SMIM13: variants seen among roughly 807,000 people sequenced by gnomAD.
SMIM13 encodes UPF0766 protein C6orf228.
Under a neutral mutation model 5.9 loss-of-function variants are expected in SMIM13, and 3 were observed. The observed-to-expected ratio is 0.51, with a 90% CI of 0.23 to 1.31. The LOEUF (loss-of-function observed/expected upper bound fraction) is 1.31, where lower values mean the gene tolerates loss of function less well. SMIM13 is among the 40% of genes most tolerant of loss of function. The pLI is 0.18. For synonymous variants in SMIM13, 55 were observed against 46.0 expected, an observed-to-expected ratio of 1.19 and a Z score of -0.79; for missense variants, 85 against 109.9, an observed-to-expected ratio of 0.77 and a Z score of 1.01.
chr6:11,096,669 C>G (rs982183628), intron 1 of SMIM13, among the ~76,000 whole-genome samples: 4 of 151,838 alleles, frequency 2.6e-5, no homozygotes, highest in African/African-American at 9.7e-5. Flanking sequence ...GCTTAAACAA[C>G]TCATTTCTTT....
In SMIM13 at chr6:11,093,861, C is replaced by T. The variant is rs866094391; in HGVS notation, c.-453C>T. Among the ~76,000 whole-genome samples the T allele has an allele frequency of 3.3e-4, 50 of 152,354 alleles. No homozygotes were observed. The highest frequency in any genetic ancestry group is 1.2e-3 in the African/African-American group (50 of 41,586). ...AGAAGCCGCTACAGCCGCGGCCGGGCGACGCTGACATCTGGCATCCCTGGG... is the reference window on the plus strand; with the variant it reads ...AGAAGCCGCTACAGCCGCGGCCGGGTGACGCTGACATCTGGCATCCCTGGG... On this transcript the variant is annotated 5_prime_UTR_variant, in exon 1 of 2. Transcript: ENST00000416247.
rs1758517974 is a variant in SMIM13 at position 11,136,395 on chromosome 6, T to C, written c.*1793T>C. On this transcript the variant is annotated 3_prime_UTR_variant, in exon 2 of 2. Transcript: ENST00000416247. ...GAATGAAGTGCAAAGCCAACTTACT[T>C]TATTAATCCAAGTTCTTTTTATGTT... 1 of 152,208 alleles carries C rather than the reference T, an allele frequency of 6.6e-6. No individual in the cohort carries two copies. The highest frequency in any genetic ancestry group is 2.4e-5 in the African/African-American group (1 of 41,454). 9.4% of individuals were successfully genotyped at this position (152,208 alleles called of 1,614,324 possible).
At chr6:11,130,687 T>TA (rs1758441585) in intron 1 of SMIM13, among the ~76,000 whole-genome samples, 1 of 152,248 alleles carries the variant, frequency 6.6e-6, no homozygotes, top group Non-Finnish European at 1.5e-5. Flanking sequence ...TGATTCCTCT[T>TA]ACTAAAATTG....
At chr6:11,116,311 TCCTGG>T (rs1479660219) in intron 1 of SMIM13, among the ~76,000 whole-genome samples, 2 of 152,188 alleles carry the variant, frequency 1.3e-5, no homozygotes, top group Non-Finnish European at 2.9e-5. Flanking sequence ...GAGCCATTGC[TCCTGG>T]CCAGCTTTGC....
chr6:11,130,733 T>G (rs1183028672), intron 1 of SMIM13, among the ~76,000 whole-genome samples: 2 of 152,220 alleles, frequency 1.3e-5, no homozygotes, highest in African/African-American at 2.4e-5. Context: ...TGAATGCTCT[T>G]GTATTCCAAG....
chr6:11,112,165 G>C (rs1758176582), intron 1 of SMIM13, among the ~76,000 whole-genome samples: 1 of 152,032 alleles, frequency 6.6e-6, no homozygotes, highest in Admixed American at 6.6e-5. Context: ...ACATTCCTGA[G>C]CTGGGGGCCC....
chr6:11,094,842 T>TA (rs1028878927), intron 1 of SMIM13, among the ~76,000 whole-genome samples: 5 of 152,182 alleles, frequency 3.3e-5, no homozygotes, highest in African/African-American at 1.2e-4. Flanking sequence ...ATTGTTTACT[T>TA]AGAGTTCAGC....
At chr6:11,098,587 A>G (rs1326377806) in intron 1 of SMIM13, among the ~76,000 whole-genome samples, 1 of 152,162 alleles carries the variant, frequency 6.6e-6, no homozygotes, top group Non-Finnish European at 1.5e-5. Flanking sequence ...GTCAGCCACC[A>G]TGCCCAGCTA....
At chr6:11,114,892 G>A (rs550922248) in intron 1 of SMIM13, among the ~76,000 whole-genome samples, 8 of 152,000 alleles carry the variant, frequency 5.3e-5, no homozygotes, top group South Asian at 2.1e-4. Flanking sequence ...GAGCCACCAC[G>A]CCCGGCTGTA....
intron 1 of SMIM13, among the ~76,000 whole-genome samples, chr6:11,115,887 A>T (rs1758232351): frequency 6.7e-6 from 1 of 150,076 alleles, no homozygotes; most frequent in Admixed American, 6.6e-5. Flanking sequence ...GGGTTTCTCC[A>T]TGTTGGTCAG....
chr6:11,134,608 T>C lies in SMIM13; in HGVS notation c.*6T>C. ...GCCACAGACCCCTGACATAGTCCTG[T>C]ACTTGTGAAGGATGAAAAGGCAGTT... is the stretch of plus-strand genomic sequence containing the variant. On this transcript the variant is annotated 3_prime_UTR_variant, in exon 2 of 2. Transcript: ENST00000416247. 1 of 1,478,260 alleles carries C rather than the reference T, an allele frequency of 6.8e-7. No homozygotes were observed. The highest frequency in any genetic ancestry group is 2.5e-5 in the East Asian group (1 of 39,730). The allele number at this position is 1,478,260 out of a possible 1,614,324, so 91.6% of individuals were successfully genotyped here.
rs767472288 is a variant in SMIM13 at position 11,104,688 on chromosome 6, C to T, written c.76+10299C>T. 49 of 1,614,070 alleles carry T rather than the reference C, an allele frequency of 3.0e-5. 1 individual carries two copies. In the African/African-American group the frequency reaches 3.2e-4, roughly 11 times the overall value. On this transcript the variant is annotated intron_variant, in intron 1 of 1. Coordinates refer to ENST00000416247, the MANE Select transcript of SMIM13 (RefSeq NM_001135575.2). The stretch of plus-strand genomic sequence containing the variant: ...CAGACATTGGTTATAATCAGCAGGC[C>T]GGAACCAGAAGTTTCGAGTACTGCA...
intron 1 of SMIM13, among the ~76,000 whole-genome samples, chr6:11,117,186 C>T (rs1280840950): frequency 4.9e-5 from 6 of 121,974 alleles, no homozygotes; most frequent in Admixed American, 8.2e-5. Flanking sequence ...TTTTTTGAGA[C>T]GGAGTCTCGC....
At chr6:11,123,456 T>C (rs1474074836) in intron 1 of SMIM13, among the ~76,000 whole-genome samples, 1 of 152,206 alleles carries the variant, frequency 6.6e-6, no homozygotes, top group African/African-American at 2.4e-5. Flanking sequence ...AGATGAACTA[T>C]GTGTGTGACT....
intron 1 of SMIM13, chr6:11,105,199 G>A (rs774469576): frequency 1.9e-6 from 3 of 1,614,156 alleles, no homozygotes; most frequent in Non-Finnish European, 1.7e-6. Flanking sequence ...GTGGAGTAAG[G>A]GGATCCTGTA....
intron 1 of SMIM13, among the ~76,000 whole-genome samples, chr6:11,129,674 C>T (rs910727243): frequency 4.6e-5 from 7 of 151,754 alleles, no homozygotes; most frequent in African/African-American, 7.3e-5. Context: ...TATTGTGTTC[C>T]GTTTGTCTAT....
chr6:11,099,009 A>AT (rs1757959515), intron 1 of SMIM13, among the ~76,000 whole-genome samples: 2 of 151,932 alleles, frequency 1.3e-5, no homozygotes, highest in South Asian at 2.1e-4. Context: ...AGAAGATTCT[A>AT]TTTTTTTCTA....
At position 11,137,839 on chromosome 6, in the gene SMIM13, T is replaced by G. The variant is rs1046901474; in HGVS notation, c.*3237T>G. 1.3e-5 allele frequency: 2 copies of G among 152,192 alleles called. No individual in the cohort carries two copies. Among genetic ancestry groups the G allele is most frequent in the African/African-American group, 4.8e-5 (2 of 41,456 alleles). The allele number at this position is 152,192 out of a possible 1,614,324, so 9.4% of individuals were successfully genotyped here. A position where few individuals can be genotyped will look rare whatever the true frequency, so the allele number is the denominator to read the frequency against. On this transcript the variant is annotated 3_prime_UTR_variant, in exon 2 of 2. Transcript: ENST00000416247. ...ACTTGATGGATTTTGTAGTGATGTT[T>G]TCACAGTTGAAACAAACATATTGCT... is the stretch of plus-strand genomic sequence containing the variant.
chr6:11,108,435 C>T (rs1758120171), intron 1 of SMIM13, among the ~76,000 whole-genome samples: 1 of 152,170 alleles, frequency 6.6e-6, no homozygotes, highest in African/African-American at 2.4e-5. Flanking sequence ...GTCCTGAGGG[C>T]CTTTCAGCTT....
Sources: allele counts gnomAD v4.1 joint callset (sites outside exome capture counted in the v4.1 genomes callset), GRCh38; gene constraint gnomAD v4.1.1; transcripts MANE v1.5; gene names NCBI Gene and HGNC (gene_info 2026-07-23, HGNC 2026-07-21).